Variants in DMD observed in about 807,000 individuals in gnomAD.
DMD encodes the protein mutant dystrophin.
Under a neutral mutation model 330.1 loss-of-function variants are expected in DMD, and 63 were observed. The observed-to-expected ratio is 0.19, with a 90% CI of 0.16 to 0.24. The LOEUF is 0.24. DMD is among the 10% of genes least tolerant of loss of function. DMD has a pLI of 1.00. For missense variants in DMD, 3,344 were observed against 2,684.1 expected (o/e 1.25, Z -5.43); for synonymous variants, 1,223 against 959.8 (o/e 1.27, Z -5.07).
intron 2 of DMD, among the ~76,000 whole-genome samples, chrX:32,971,459 A>C (rs976947889): frequency 2.7e-5 from 3 of 111,424 alleles, no homozygotes; most frequent in African/African-American, 9.8e-5. Context: ...TTCAGGGAAA[A>C]AAACCCTTAT....
At chrX:32,604,394 A>T (rs1368259775) in intron 12 of DMD, among the ~76,000 whole-genome samples, 1 of 110,510 alleles carries the variant, frequency 9.0e-6, no homozygotes, top group Non-Finnish European at 1.9e-5. Flanking sequence ...TTGAAAGAAC[A>T]TATCTCAAAA....
At chrX:33,273,659 T>G (rs886429917) in intron 1 of DMD, among the ~76,000 whole-genome samples, 22 of 112,475 alleles carry the variant, frequency 2.0e-4, no homozygotes, top group African/African-American at 7.1e-4. Context: ...GCAATTAGCA[T>G]ATGCTGTATT....
intron 1 of DMD, among the ~76,000 whole-genome samples, chrX:33,137,983 A>G (rs1490519790): frequency 8.9e-6 from 1 of 111,927 alleles, no homozygotes; most frequent in Non-Finnish European, 1.9e-5. Flanking sequence ...AGTGATTTTT[A>G]TTTGTTAATT....
intron 1 of DMD, among the ~76,000 whole-genome samples, chrX:33,119,112 T>C (rs16990917): frequency 0.044 from 4,952 of 112,552 alleles, 116 homozygotes; most frequent in Non-Finnish European, 0.066. Context: ...AAAGACACCT[T>C]AGACTTTACT....
chrX:33,237,147 C>T (rs1243913357), intron 1 of DMD, among the ~76,000 whole-genome samples: 6 of 108,559 alleles, frequency 5.5e-5, no homozygotes, highest in South Asian at 4.1e-4. Flanking sequence ...TAATATAAAA[C>T]GCACGCCATT....
intron 59 of DMD, among the ~76,000 whole-genome samples, chrX:31,447,056 C>G (rs2065322488): frequency 9.0e-6 from 1 of 111,279 alleles, no homozygotes; most frequent in Admixed American, 9.6e-5. Context: ...TTTCAAATGT[C>G]TCTTATTAGA....
At position 32,386,524 on chromosome X, in the gene DMD, T is replaced by C. The variant is rs776127773; in HGVS notation, c.4519-59A>G. ...AGTAGAGTTAAATTATTTCATAATATTATGAACAGAAATAAATAGAGATCC... is the reference window on the plus strand; with the variant it reads ...AGTAGAGTTAAATTATTTCATAATACTATGAACAGAAATAAATAGAGATCC... On this transcript the variant is annotated intron_variant, in intron 32 of 78. Transcript: ENST00000357033. 102 of 1,012,492 alleles carry C rather than the reference T, an allele frequency of 1.0e-4. 1 individual carries two copies. The South Asian group carries it at 1.1e-3, about 11-fold the overall frequency. 83.4% of individuals were successfully genotyped at this position (1,012,492 alleles called of 1,213,427 possible). A position where few individuals can be genotyped will look rare whatever the true frequency, so the allele number is the denominator to read the frequency against.
At chrX:32,868,958 C>G (rs1172137716) in intron 2 of DMD, among the ~76,000 whole-genome samples, 3 of 111,570 alleles carry the variant, frequency 2.7e-5, no homozygotes, top group Non-Finnish European at 5.7e-5. Context: ...TGAGACCCAC[C>G]CCCAACAGCA....
intron 2 of DMD, among the ~76,000 whole-genome samples, chrX:32,879,314 G>A (rs138884264): frequency 0.021 from 2,322 of 111,486 alleles, 61 homozygotes; most frequent in African/African-American, 0.071. Flanking sequence ...CAGCATTGGA[G>A]GAAGAAAGAG....
intron 8 of DMD, 58 bp downstream of exon 8, chrX:32,699,054 A>C: frequency 1.9e-6 from 2 of 1,062,278 alleles, no homozygotes; most frequent in Non-Finnish European, 2.6e-6. Flanking sequence ...CGTAATACCT[A>C]AAAATGCATA....
intron 18 of DMD, among the ~76,000 whole-genome samples, chrX:32,512,129 G>A (rs189594593): frequency 2.7e-4 from 30 of 111,932 alleles, no homozygotes; most frequent in African/African-American, 9.1e-4. Flanking sequence ...AAAATAATTT[G>A]AAGCAAAGAA....
At chrX:31,630,414 C>T (rs974686142) in intron 54 of DMD, among the ~76,000 whole-genome samples, 2 of 111,712 alleles carry the variant, frequency 1.8e-5, no homozygotes, top group African/African-American at 6.5e-5. Flanking sequence ...AGCTCCTTTA[C>T]GTGCCTCTTG....
chrX:32,759,511 G>A, intron 7 of DMD, among the ~76,000 whole-genome samples: 1 of 111,123 alleles, frequency 9.0e-6, no homozygotes, highest in Non-Finnish European at 1.9e-5. Flanking sequence ...CTGGCAACAT[G>A]GGAGAGATGA....
chrX:32,812,470 T>C (rs966038475), intron 6 of DMD, among the ~76,000 whole-genome samples: 1 of 110,809 alleles, frequency 9.0e-6, no homozygotes, highest in African/African-American at 3.3e-5. Flanking sequence ...CCGACACTAC[T>C]AAAAATACAA....
At chrX:31,320,250 T>C (rs1190422567) in intron 62 of DMD, among the ~76,000 whole-genome samples, 1 of 112,553 alleles carries the variant, frequency 8.9e-6, no homozygotes, top group Non-Finnish European at 1.9e-5. Flanking sequence ...CTGCCTGATT[T>C]GCAAACTAGA....
intron 41 of DMD, among the ~76,000 whole-genome samples, chrX:32,340,441 T>C (rs1227559893): frequency 8.9e-6 from 1 of 111,744 alleles, no homozygotes; most frequent in Non-Finnish European, 1.9e-5. Flanking sequence ...ATTATTACGT[T>C]GTACAAATAT....
chrX:31,386,513 T>C (rs1399145752), intron 60 of DMD, among the ~76,000 whole-genome samples: 1 of 112,206 alleles, frequency 8.9e-6, no homozygotes, highest in Non-Finnish European at 1.9e-5. Context: ...TATGTAATCA[T>C]AGCACTTTTA....
At chrX:32,544,300 T>G (rs2048762042) in intron 17 of DMD, among the ~76,000 whole-genome samples, 1 of 112,106 alleles carries the variant, frequency 8.9e-6, no homozygotes, top group Non-Finnish European at 1.9e-5. Context: ...TTAGAACATC[T>G]GACATGGTAT....
At chrX:33,281,020 TAGAG>T (rs995388834) in intron 1 of DMD, among the ~76,000 whole-genome samples, 31 of 111,978 alleles carry the variant, frequency 2.8e-4, no homozygotes, top group African/African-American at 9.7e-4. Context: ...TAGATCAACT[TAGAG>T]AGAATTCACA....
Sources: gnomAD v4.1 joint callset for allele counts (sites outside exome capture counted in the v4.1 genomes callset) on GRCh38, gnomAD v4.1.1 for gene constraint, MANE v1.5 for transcripts, NCBI Gene and HGNC (gene_info 2026-07-23, HGNC 2026-07-21) for gene names.